MSGN1: variants seen among roughly 807,000 people sequenced by gnomAD.
The protein encoded by MSGN1 is mesogenin 1, also known as mesogenin-1.
In MSGN1, 3 loss-of-function variants were observed where a neutral mutation model predicts 10.1. The ratio of observed to expected loss-of-function variants is 0.30; its 90% CI spans 0.13 to 0.76. The LOEUF (loss-of-function observed/expected upper bound fraction) is 0.76. MSGN1 is among the 30% of genes least tolerant of loss of function. The pLI is 0.67. For synonymous variants in MSGN1, 110 were observed against 103.8 expected, an observed-to-expected ratio of 1.06 and a Z score of -0.37; for missense variants, 244 against 244.5, an observed-to-expected ratio of 1.00 and a Z score of 0.01.
chr2:17,816,960 CG>C lies in MSGN1; in HGVS notation c.444del (p.Asn149IlefsTer72), dbSNP rs775677863. The C allele has an allele frequency of 5.0e-6, 8 of 1,614,096 alleles. No homozygotes were observed. In the South Asian group the frequency reaches 8.8e-5, roughly 18 times the overall value. On this transcript the variant is annotated frameshift_variant, in exon 1 of 1. Transcript: ENST00000281047. LOFTEE classifies it high-confidence loss of function. ...RTLADALHTL[R>X]NYLPPVYSQR... ...CTTGGCAGATGCCCTGCACACCCTC[CG>C]GAATTACCTGCCACCTGTCTACAGC...
At position 17,817,389 on chromosome 2, in the gene MSGN1, C is replaced by A. The variant is rs971049023; in HGVS notation, c.*289C>A. Reference sequence around the variant, plus strand: ...ATTATTTTGCCCTTCTCTGTCTGTTCAAGGTATTTTAAAGGGTCAGTGATT... The same window carrying A: ...ATTATTTTGCCCTTCTCTGTCTGTTAAAGGTATTTTAAAGGGTCAGTGATT... On this transcript the variant is annotated 3_prime_UTR_variant, in exon 1 of 1. Transcript: ENST00000281047. Among the ~76,000 whole-genome samples, 3 of 152,164 alleles carry A rather than the reference C, an allele frequency of 2.0e-5. No individual in the cohort carries two copies. Among genetic ancestry groups the A allele is most frequent in the South Asian group, 4.1e-4 (2 of 4,834 alleles).
At position 17,817,024 on chromosome 2, in the gene MSGN1, A is replaced by G; in HGVS notation, c.506A>G (p.Lys169Arg). ...GQPLTKIQTL[K>R]YTIKYIGELT... The stretch of plus-strand genomic sequence containing the variant: ...CCTCTCACCAAGATCCAGACACTCA[A>G]GTACACCATCAAGTACATCGGGGAA... Residue 169 changes from lysine to arginine, a missense_variant, in exon 1 of 1, where the codon AAG (lysine) becomes AGG (arginine). By Grantham distance (26) the Lys-to-Arg change is conservative. Coordinates refer to ENST00000281047, the MANE Select transcript of MSGN1 (RefSeq NM_001105569.3). 1 of 1,614,236 alleles carries G rather than the reference A, an allele frequency of 6.2e-7. No individual in the cohort carries two copies. The highest frequency in any genetic ancestry group is 1.3e-5 in the African/African-American group (1 of 75,064).
Position 17,816,552 on chromosome 2 carries a change from G to C in MSGN1, c.34G>C (p.Glu12Gln), listed in dbSNP as rs756807058. The stretch of plus-strand genomic sequence containing the variant: ...CCTGCGCGAGACTTTCCTCAGCCTC[G>C]AGGATGGCTTGGGCTCCTCTGACAG... ...DNLRETFLSL[E>Q]DGLGSSDSPG... The change falls in exon 1 of 1, where the codon GAG becomes CAG. Residue 12 changes from glutamate (E) to glutamine (Q), a missense_variant. Coordinates refer to ENST00000281047, the MANE Select transcript of MSGN1 (RefSeq NM_001105569.3). 5 of 1,601,994 alleles carry C rather than the reference G, an allele frequency of 3.1e-6. No homozygotes were observed. In the South Asian group the frequency reaches 5.5e-5, roughly 18 times the overall value.
chr2:17,816,617 A>C lies in MSGN1; in HGVS notation c.99A>C (p.Ala33=). 1 of 1,613,758 alleles carries C rather than the reference A, an allele frequency of 6.2e-7. No individual in the cohort carries two copies. The highest frequency in any genetic ancestry group is 8.5e-7 in the Non-Finnish European group (1 of 1,179,648). Residue 33 remains alanine, a synonymous_variant, in exon 1 of 1, where the codon GCA becomes GCC. Transcript: ENST00000281047. Reference sequence around the variant, plus strand: ...CTTCCTGGGACTGGAAGGACAGGGCAGGGCCCTTTGAGCTGAATCAGGCCT... The same window carrying C: ...CTTCCTGGGACTGGAAGGACAGGGCCGGGCCCTTTGAGCTGAATCAGGCCT... ...LLSSWDWKDR[A]GPFELNQASP...
Position 17,816,677 on chromosome 2 carries a change from G to A in MSGN1, c.159G>A (p.Leu53=), listed in dbSNP as rs375175859. The A allele has an allele frequency of 6.2e-7, 1 of 1,614,246 alleles. No individual in the cohort carries two copies. The highest frequency in any genetic ancestry group is 8.5e-7 in the Non-Finnish European group (1 of 1,180,046). ...AGAGCCTTTCCCCGGCTCCATCGCTGGAATCCTATTCTTCTTCTCCCTGTC... is the reference window on the plus strand; with the variant it reads ...AGAGCCTTTCCCCGGCTCCATCGCTAGAATCCTATTCTTCTTCTCCCTGTC... The part of the protein sequence containing the change: ...PSQSLSPAPS[L]ESYSSSPCPA... The change falls in exon 1 of 1, where the codon CTG becomes CTA. Residue 53 remains leucine, a synonymous_variant. Coordinates refer to ENST00000281047, the MANE Select transcript of MSGN1 (RefSeq NM_001105569.3).
Position 17,817,167 on chromosome 2 carries a change from G to A in MSGN1, c.*67G>A, listed in dbSNP as rs1208576272. The stretch of plus-strand genomic sequence containing the variant: ...GGAGTAGAGGAGTTTTGAAGACCTG[G>A]ATATCTTATTGAACAATGATCGGCG... On this transcript the variant is annotated 3_prime_UTR_variant, in exon 1 of 1. Transcript: ENST00000281047. 3 of 1,278,906 alleles carry A rather than the reference G, an allele frequency of 2.3e-6. No individual in the cohort carries two copies. The highest frequency in any genetic ancestry group is 4.7e-5 in the East Asian group (2 of 42,844). The allele number at this position is 1,278,906 out of a possible 1,614,324, so 79.2% of individuals were successfully genotyped here.
At position 17,816,512 on chromosome 2, in the gene MSGN1, C is replaced by T. The variant is rs771978520; in HGVS notation, c.-7C>T. Reference sequence around the variant, plus strand: ...GGAGCCATTCCTTCTGCAGCTGTCTCGCAGGCATGGACAACCTGCGCGAGA... The same window carrying T: ...GGAGCCATTCCTTCTGCAGCTGTCTTGCAGGCATGGACAACCTGCGCGAGA... On this transcript the variant is annotated 5_prime_UTR_variant, in exon 1 of 1. Coordinates refer to ENST00000281047, the MANE Select transcript of MSGN1 (RefSeq NM_001105569.3). 1 of 1,557,186 alleles carries T rather than the reference C, an allele frequency of 6.4e-7. No individual in the cohort carries two copies. The highest frequency in any genetic ancestry group is 8.7e-7 in the Non-Finnish European group (1 of 1,149,006).
In MSGN1 at chr2:17,816,688, C is replaced by G; in HGVS notation, c.170C>G (p.Ser57Cys). ...CCGGCTCCATCGCTGGAATCCTATT[C>G]TTCTTCTCCCTGTCCAGCTGTGGCT... is the stretch of plus-strand genomic sequence containing the variant. Reference protein sequence around the residue: ...LSPAPSLESYSSSPCPAVAGL... With the variant: ...LSPAPSLESYCSSPCPAVAGL... Residue 57 changes from serine to cysteine, a missense_variant, in exon 1 of 1, where the codon TCT becomes TGT. Physicochemically the swap from Ser to Cys is moderately radical, Grantham distance 112. Transcript: ENST00000281047. The G allele has an allele frequency of 6.2e-7, 1 of 1,614,248 alleles. No individual in the cohort carries two copies. Among genetic ancestry groups the G allele is most frequent in the South Asian group, 1.1e-5 (1 of 91,068 alleles).
rs1673585802 is a variant in MSGN1 at position 17,817,059 on chromosome 2, C to A, written c.541C>A (p.Leu181Ile). The change falls in exon 1 of 1, where the codon CTC (leucine) becomes ATC (isoleucine). Residue 181 changes from leucine (L) to isoleucine (I), a missense_variant. Physicochemically the swap from Leu to Ile is conservative, Grantham distance 5. Transcript: ENST00000281047. ...TIKYIGELTD[L>I]LNRGREPRAQ... ...CAAGTACATCGGGGAACTCACAGAC[C>A]TCCTTAACCGCGGCAGAGAGCCCAG... 1.2e-6 allele frequency: 2 copies of A among 1,613,774 alleles called. No homozygotes were observed. Among genetic ancestry groups the A allele is most frequent in the Non-Finnish European group, 1.7e-6 (2 of 1,179,728 alleles).
At position 17,817,045 on chromosome 2, in the gene MSGN1, G is replaced by A. The variant is rs1193432238; in HGVS notation, c.527G>A (p.Gly176Glu). 2 of 1,613,756 alleles carry A rather than the reference G, an allele frequency of 1.2e-6. No homozygotes were observed. Among genetic ancestry groups the A allele is most frequent in the African/African-American group, 2.7e-5 (2 of 74,938 alleles). ...QTLKYTIKYIGELTDLLNRGR... is the reference protein window; with the variant it reads ...QTLKYTIKYIEELTDLLNRGR... Reference sequence around the variant, plus strand: ...CTCAAGTACACCATCAAGTACATCGGGGAACTCACAGACCTCCTTAACCGC... The same window carrying A: ...CTCAAGTACACCATCAAGTACATCGAGGAACTCACAGACCTCCTTAACCGC... Residue 176 changes from glycine to glutamate, a missense_variant, in exon 1 of 1, where the codon GGG becomes GAG. Physicochemically the swap from Gly to Glu is moderately conservative, Grantham distance 98. Coordinates refer to ENST00000281047, the MANE Select transcript of MSGN1 (RefSeq NM_001105569.3).
chr2:17,816,489 A>T lies in MSGN1; in HGVS notation c.-30A>T. 1 of 1,521,422 alleles carries T rather than the reference A, an allele frequency of 6.6e-7. No homozygotes were observed. The highest frequency in any genetic ancestry group is 1.4e-5 in the African/African-American group (1 of 72,036). The allele number at this position is 1,521,422 out of a possible 1,614,324, so 94.2% of individuals were successfully genotyped here. A position where few individuals can be genotyped will look rare whatever the true frequency, so the allele number is the denominator to read the frequency against. On this transcript the variant is annotated 5_prime_UTR_variant, in exon 1 of 1. Coordinates refer to ENST00000281047, the MANE Select transcript of MSGN1 (RefSeq NM_001105569.3). ...GAATTTTCTTTCTCACTTGCCAGGG[A>T]GCCATTCCTTCTGCAGCTGTCTCGC... is the stretch of plus-strand genomic sequence containing the variant.
rs1294311454 is a variant in MSGN1 at position 17,817,423 on chromosome 2, A to AT, written c.*330dup. Among the ~76,000 whole-genome samples, 2 of 151,978 alleles carry AT rather than the reference A, an allele frequency of 1.3e-5. No individual in the cohort carries two copies. The highest frequency in any genetic ancestry group is 4.8e-5 in the African/African-American group (2 of 41,360). On this transcript the variant is annotated 3_prime_UTR_variant, in exon 1 of 1. Coordinates refer to ENST00000281047, the MANE Select transcript of MSGN1 (RefSeq NM_001105569.3). Reference sequence around the variant, plus strand: ...TTAAAGGGTCAGTGATTTTAAATGCATTTTTTTCAATAATGTAAAAGTGTT... The same window carrying AT: ...TTAAAGGGTCAGTGATTTTAAATGCATTTTTTTTCAATAATGTAAAAGTGTT...
chr2:17,816,659 T>G lies in MSGN1; in HGVS notation c.141T>G (p.Leu47=), dbSNP rs1206037106. 6.2e-7 allele frequency: 1 copy of G among 1,614,128 alleles called. No homozygotes were observed. The highest frequency in any genetic ancestry group is 1.3e-5 in the African/African-American group (1 of 74,940). The change falls in exon 1 of 1, where the codon CTT becomes CTG. Residue 47 remains leucine (L), a synonymous_variant. Coordinates refer to ENST00000281047, the MANE Select transcript of MSGN1 (RefSeq NM_001105569.3). ...ELNQASPSQS[L]SPAPSLESYS... is the part of the protein sequence containing the mutation. ...ATCAGGCCTCCCCCTCTCAGAGCCT[T>G]TCCCCGGCTCCATCGCTGGAATCCT...
chr2:17,817,079 G>A lies in MSGN1; in HGVS notation c.561G>A (p.Glu187=), dbSNP rs375039406. 1.7e-5 allele frequency: 27 copies of A among 1,612,746 alleles called. No homozygotes were observed. Among genetic ancestry groups the A allele is most frequent in the Non-Finnish European group, 2.3e-5 (27 of 1,179,046 alleles). Residue 187 remains glutamate, a synonymous_variant, in exon 1 of 1, where the codon GAG becomes GAA. Transcript: ENST00000281047. The part of the protein sequence containing the change: ...ELTDLLNRGR[E]PRAQSA ...CAGACCTCCTTAACCGCGGCAGAGA[G>A]CCCAGAGCCCAGAGCGCGTGAGCTC... is the stretch of plus-strand genomic sequence containing the variant.
rs780226748 is a variant in MSGN1, at chr2:17,816,468, T to C, written c.-51T>C. ...CTCTTCCCTGGCCAGGCGGCAGAAT[T>C]TTCTTTCTCACTTGCCAGGGAGCCA... On this transcript the variant is annotated 5_prime_UTR_variant, in exon 1 of 1. Coordinates refer to ENST00000281047, the MANE Select transcript of MSGN1 (RefSeq NM_001105569.3). 1.4e-6 allele frequency: 2 copies of C among 1,471,262 alleles called. No individual in the cohort carries two copies. Among genetic ancestry groups the C allele is most frequent in the Non-Finnish European group, 1.8e-6 (2 of 1,097,544 alleles). 91.1% of individuals were successfully genotyped at this position (1,471,262 alleles called of 1,614,324 possible).
rs1291807127 is a variant in MSGN1 at position 17,816,778 on chromosome 2, C to A, written c.260C>A (p.Ala87Asp). The change falls in exon 1 of 1, where the codon GCC becomes GAC. Residue 87 changes from alanine to aspartate, a missense_variant. Transcript: ENST00000281047. ...GGSEGCSVGG[A>D]SGLVEVDYNM... ...AGCGAAGGCTGCAGTGTCGGTGGGG[C>A]CAGTGGCCTGGTAGAGGTGGACTAC... 6.2e-7 allele frequency: 1 copy of A among 1,614,084 alleles called. No individual in the cohort carries two copies.
rs1341604316 is a variant in MSGN1 at position 17,816,782 on chromosome 2, T to G, written c.264T>G (p.Ser88Arg). 2 of 1,614,152 alleles carry G rather than the reference T, an allele frequency of 1.2e-6. No individual in the cohort carries two copies. Among genetic ancestry groups the G allele is most frequent in the Non-Finnish European group, 1.7e-6 (2 of 1,179,994 alleles). ...AAGGCTGCAGTGTCGGTGGGGCCAGTGGCCTGGTAGAGGTGGACTACAATA... is the reference window on the plus strand; with the variant it reads ...AAGGCTGCAGTGTCGGTGGGGCCAGGGGCCTGGTAGAGGTGGACTACAATA... ...GSEGCSVGGA[S>R]GLVEVDYNML... Residue 88 changes from serine (S) to arginine (R), a missense_variant, in exon 1 of 1, where the codon AGT becomes AGG. Transcript: ENST00000281047.
In MSGN1 at chr2:17,817,344, C is replaced by T. The variant is rs1290718973; in HGVS notation, c.*244C>T. Reference sequence around the variant, plus strand: ...GTTTTTTCCACCCATCTGGGAGGCTCATCCTTTGCAAACAGACAGATTATT... The same window carrying T: ...GTTTTTTCCACCCATCTGGGAGGCTTATCCTTTGCAAACAGACAGATTATT... On this transcript the variant is annotated 3_prime_UTR_variant, in exon 1 of 1. Transcript: ENST00000281047. Among the ~76,000 whole-genome samples, 1 of 152,230 alleles carries T rather than the reference C, an allele frequency of 6.6e-6. No individual in the cohort carries two copies. Among genetic ancestry groups the T allele is most frequent in the Non-Finnish European group, 1.5e-5 (1 of 68,034 alleles).
rs765293805 is a variant in MSGN1 at position 17,816,517 on chromosome 2, G to T, written c.-2G>T. The T allele has an allele frequency of 4.5e-6, 7 of 1,572,408 alleles. No individual in the cohort carries two copies. In the East Asian group the frequency reaches 1.4e-4, roughly 30 times the overall value. On this transcript the variant is annotated 5_prime_UTR_variant, in exon 1 of 1. Transcript: ENST00000281047. ...CATTCCTTCTGCAGCTGTCTCGCAG[G>T]CATGGACAACCTGCGCGAGACTTTC...
Sources: gnomAD v4.1 joint callset for allele counts (sites outside exome capture counted in the v4.1 genomes callset) on GRCh38, gnomAD v4.1.1 for gene constraint, MANE v1.5 for transcripts, NCBI Gene and HGNC (gene_info 2026-07-23, HGNC 2026-07-21) for gene names.